INTU: variants seen among roughly 807,000 people sequenced by gnomAD.
INTU encodes the protein protein inturned.
Under a neutral mutation model 100.5 loss-of-function variants are expected in INTU, and 68 were observed. That is an observed-to-expected ratio of 0.68 (90% confidence interval 0.56 to 0.83). The LOEUF (loss-of-function observed/expected upper bound fraction) is 0.83, where lower values mean the gene tolerates loss of function less well. Ranked by LOEUF, INTU falls within the 40% of genes least tolerant of loss-of-function variation. The pLI is 0.00. For missense variants in INTU, 1,071 were observed against 1,114.7 expected, an observed-to-expected ratio of 0.96 and a Z score of 0.56; for synonymous variants, 357 against 395.7, an observed-to-expected ratio of 0.90 and a Z score of 1.16.
chr4:127,669,425 A>G (rs1225030264), intron 5 of INTU, among the ~76,000 whole-genome samples: 2 of 150,402 alleles, frequency 1.3e-5, no homozygotes, highest in African/African-American at 4.9e-5. Flanking sequence ...ACAGCTGTAG[A>G]TCTGGGTGTT....
rs1197866160 is a variant in INTU at position 127,657,212 on chromosome 4, A to C, written c.768+491A>C. ...GGACTTTTGTTTGGCTACTTAAGGA[A>C]TTATTTTTCAATCCTTGTAGATAGA... is the stretch of plus-strand genomic sequence containing the variant. On this transcript the variant is annotated intron_variant, in intron 3 of 15. Coordinates refer to ENST00000335251, the MANE Select transcript of INTU (RefSeq NM_015693.4). Among the ~76,000 whole-genome samples the C allele has an allele frequency of 5.9e-5, 9 of 152,168 alleles. No homozygotes were observed. In the East Asian group the frequency reaches 1.7e-3, roughly 29 times the overall value.
At chr4:127,668,988 A>T in intron 4 of INTU, 48 bp from the exon 5 acceptor site, 2 of 843,506 alleles carry the variant, frequency 2.4e-6, no homozygotes, top group Admixed American at 4.5e-5. Context: ...CCTGACAAAG[A>T]TAATGGTTGG....
chr4:127,702,634 A>T (rs1350075004), intron 9 of INTU, among the ~76,000 whole-genome samples: 1 of 152,136 alleles, frequency 6.6e-6, no homozygotes, highest in Non-Finnish European at 1.5e-5. Context: ...TTTTGCCTTT[A>T]AAAAAATATG....
Position 127,643,506 on chromosome 4 carries a change from TTC to T in INTU, c.147-9_147-8del, listed in dbSNP as rs1727424507. The T allele has an allele frequency of 1.3e-6, 2 of 1,557,914 alleles. No individual in the cohort carries two copies. The highest frequency in any genetic ancestry group is 1.7e-6 in the Non-Finnish European group (2 of 1,158,302). ...ATTGGGCTGCTATTAAGATTATCTT[TTC>T]TCTCTTTCATAGTGATCTTGAGCCT... is the stretch of plus-strand genomic sequence containing the variant. On this transcript the variant is annotated splice_polypyrimidine_tract_variant and intron_variant, in intron 1 of 15. Transcript: ENST00000335251.
chr4:127,669,289 A>T (rs1354658265), intron 5 of INTU, 135 bp downstream of exon 5: 1 of 445,786 alleles, frequency 2.2e-6, no homozygotes, highest in Non-Finnish European at 4.0e-6. Context: ...ATTATAGTCT[A>T]TAATGTATGT....
In INTU at chr4:127,633,018, C is replaced by G. The variant is rs1578514034; in HGVS notation, c.-17C>G. ...GAGATTTGAATTACTCCACTCGTAG[C>G]TATTGCATTCCTGACGATGGCCTCT... On this transcript the variant is annotated 5_prime_UTR_variant, in exon 1 of 16. Coordinates refer to ENST00000335251, the MANE Select transcript of INTU (RefSeq NM_015693.4). 1 of 1,609,078 alleles carries G rather than the reference C, an allele frequency of 6.2e-7. No individual in the cohort carries two copies. The highest frequency in any genetic ancestry group is 8.5e-7 in the Non-Finnish European group (1 of 1,176,518).
At chr4:127,656,614 T>A in intron 2 of INTU, 22 bp from the exon 3 acceptor site, 1 of 1,559,960 alleles carries the variant, frequency 6.4e-7, no homozygotes, top group Non-Finnish European at 8.8e-7. Context: ...AAAACTATCT[T>A]TTATTGTTAT....
intron 1 of INTU, among the ~76,000 whole-genome samples, chr4:127,640,570 TATATATATATATATATATATACATATAC>T (rs1727276864): frequency 1.4e-5 from 1 of 73,226 alleles, no homozygotes; most frequent in African/African-American, 5.9e-5. Flanking sequence ...TATATATATA[TATATATATATATATATATATACATATAC>T]ATAAACACAC....
In INTU at chr4:127,643,548, T is replaced by A. The variant is rs778287471; in HGVS notation, c.174T>A (p.Ser58Arg). 6 of 1,604,718 alleles carry A rather than the reference T, an allele frequency of 3.7e-6. No individual in the cohort carries two copies. In the South Asian group the frequency reaches 5.6e-5, roughly 15 times the overall value. Residue 58 changes from serine to arginine, a missense_variant, in exon 2 of 16, where the codon AGT becomes AGA. Physicochemically the swap from Ser to Arg is moderately radical, Grantham distance 110 (BLOSUM62 -1). Coordinates refer to ENST00000335251, the MANE Select transcript of INTU (RefSeq NM_015693.4). ...ATCTTGAGCCTGAATGGCTGGACAG[T>A]GTGCAGAAAAATGGAGAGCTGTTTT... is the stretch of plus-strand genomic sequence containing the variant. The part of the protein sequence containing the change: ...YDDLEPEWLD[S>R]VQKNGELFYL...
At chr4:127,713,061 T>C (rs1731149500) in intron 14 of INTU, among the ~76,000 whole-genome samples, 1 of 152,190 alleles carries the variant, frequency 6.6e-6, no homozygotes, top group South Asian at 2.1e-4. Flanking sequence ...CATGGCCGGA[T>C]AGACTATGAT....
At chr4:127,645,493 T>G (rs549456178) in intron 2 of INTU, among the ~76,000 whole-genome samples, 82 of 152,296 alleles carry the variant, frequency 5.4e-4, no homozygotes, top group Admixed American at 9.2e-4. Flanking sequence ...CTGACCCCAG[T>G]TAACCCCAGA....
At chr4:127,658,845 G>A (rs900276731) in intron 3 of INTU, among the ~76,000 whole-genome samples, 7 of 152,134 alleles carry the variant, frequency 4.6e-5, no homozygotes, top group South Asian at 2.1e-4. Context: ...TACATTTATT[G>A]TATGCACGAT....
intron 8 of INTU, among the ~76,000 whole-genome samples, chr4:127,688,952 CTTTTTCTTTTCTTTCTTTCT>C (rs1375890963): frequency 3.3e-5 from 4 of 120,182 alleles, no homozygotes; most frequent in Non-Finnish European, 5.0e-5. Flanking sequence ...TTCTTTCTTT[CTTTTTCTTTTCTTTCTTTCT>C]TTTTTTTTTT....
At chr4:127,692,480 C>G (rs1401274645) in intron 8 of INTU, among the ~76,000 whole-genome samples, 1 of 152,108 alleles carries the variant, frequency 6.6e-6, no homozygotes, top group Non-Finnish European at 1.5e-5. Context: ...CTTGTAGATT[C>G]TGGATATTAG....
rs1731269668 is a variant in INTU, at chr4:127,716,593, G to C, written c.*157G>C. On this transcript the variant is annotated 3_prime_UTR_variant, in exon 16 of 16. Transcript: ENST00000335251. ...ATTGAGATGAAATGCTGTTGGATTTGATACATTAAATCTTAATGTAATATT... is the reference window on the plus strand; with the variant it reads ...ATTGAGATGAAATGCTGTTGGATTTCATACATTAAATCTTAATGTAATATT... 1 of 380,288 alleles carries C rather than the reference G, an allele frequency of 2.6e-6. No individual in the cohort carries two copies. The highest frequency in any genetic ancestry group is 4.7e-6 in the Non-Finnish European group (1 of 213,228). The allele number at this position is 380,288 out of a possible 1,614,324, so 23.6% of individuals were successfully genotyped here.
rs371454539 is a variant in INTU at position 127,643,889 on chromosome 4, T to A, written c.515T>A (p.Val172Asp). The change falls in exon 2 of 16, where the codon GTT becomes GAT. Residue 172 changes from valine to aspartate, a missense_variant. Coordinates refer to ENST00000335251, the MANE Select transcript of INTU (RefSeq NM_015693.4). ...TATGTAAACCCCAAAAAGCTAACTGTTATCAAAGCCAAAGAGCAGCTCAAG... is the reference window on the plus strand; with the variant it reads ...TATGTAAACCCCAAAAAGCTAACTGATATCAAAGCCAAAGAGCAGCTCAAG... The part of the protein sequence containing the change: ...NVYVNPKKLT[V>D]IKAKEQLKLL... The A allele has an allele frequency of 6.8e-5, 109 of 1,613,990 alleles. No homozygotes were observed. Among genetic ancestry groups the A allele is most frequent in the Non-Finnish European group, 8.1e-5 (96 of 1,180,018 alleles).
At chr4:127,704,500 A>G (rs1009636511) in intron 10 of INTU, among the ~76,000 whole-genome samples, 1 of 152,078 alleles carries the variant, frequency 6.6e-6, no homozygotes, top group African/African-American at 2.4e-5. Context: ...GCAACCTCCA[A>G]TTTCTGGGCT....
chr4:127,667,674 A>G (rs1279578567), intron 4 of INTU, among the ~76,000 whole-genome samples: 4 of 152,120 alleles, frequency 2.6e-5, no homozygotes, highest in African/African-American at 9.6e-5. Context: ...CAAGATTTAA[A>G]TCTATTAAGT....
intron 1 of INTU, among the ~76,000 whole-genome samples, chr4:127,637,091 T>A (rs1268061980): frequency 6.6e-6 from 1 of 152,200 alleles, no homozygotes; most frequent in East Asian, 1.9e-4. Flanking sequence ...ATGTCTCCAG[T>A]ACTATTGACT....
Sources: allele counts gnomAD v4.1 joint callset (sites outside exome capture counted in the v4.1 genomes callset), GRCh38; gene constraint gnomAD v4.1.1; transcripts MANE v1.5; gene names NCBI Gene and HGNC (gene_info 2026-07-23, HGNC 2026-07-21).